ACSL5: variants seen among roughly 807,000 people sequenced by gnomAD.
The protein encoded by ACSL5 is acyl-CoA synthetase long chain family member 5.
In ACSL5, 50 loss-of-function variants were observed where a neutral mutation model predicts 84.9. The observed-to-expected ratio is 0.59, with a 90% CI of 0.47 to 0.75. The LOEUF (loss-of-function observed/expected upper bound fraction) is 0.75, where lower values mean the gene tolerates loss of function less well. Ranked by LOEUF, ACSL5 falls within the 30% of genes least tolerant of loss-of-function variation. The pLI, the probability that ACSL5 is intolerant of heterozygous loss-of-function variation, is 0.00. For missense variants in ACSL5, 775 were observed against 830.4 expected (o/e 0.93, Z 0.82); for synonymous variants, 280 against 300.7 (o/e 0.93, Z 0.71).
At chr10:112,414,419 G>A (rs891194602) in intron 12 of ACSL5, among the ~76,000 whole-genome samples, 10 of 138,902 alleles carry the variant, frequency 7.2e-5, no homozygotes, top group Non-Finnish European at 1.4e-4. Flanking sequence ...GCAATGGCAC[G>A]ATCTCAGCTC....
At chr10:112,413,404 C>T in intron 12 of ACSL5, 97 bp downstream of exon 12, 1 of 1,390,024 alleles carries the variant, frequency 7.2e-7, no homozygotes, top group Non-Finnish European at 1.0e-6. Flanking sequence ...CCTCCACCCT[C>T]TACAAGTATC....
intron 13 of ACSL5, among the ~76,000 whole-genome samples, chr10:112,417,502 CAAA>C (rs200150019): frequency 3.4e-5 from 4 of 118,298 alleles, no homozygotes; most frequent in African/African-American, 6.1e-5. Context: ...GACTCTATCT[CAAA>C]AAAAAAAAAA....
intron 1 of ACSL5, chr10:112,375,580 A>C (rs1199533545): frequency 6.6e-6 from 1 of 152,188 alleles, no homozygotes; most frequent in East Asian, 1.9e-4. Context: ...AAAATTTGTC[A>C]TTTCGGCTTC....
intron 14 of ACSL5, chr10:112,419,686 T>C (rs1354434654): frequency 6.6e-6 from 1 of 152,240 alleles, no homozygotes; most frequent in Non-Finnish European, 1.5e-5. Flanking sequence ...TATTAACTTT[T>C]GTCATGTTGG....
chr10:112,399,443 C>A (rs1843824027), intron 3 of ACSL5, among the ~76,000 whole-genome samples: 2 of 152,180 alleles, frequency 1.3e-5, no homozygotes, highest in Non-Finnish European at 2.9e-5. Context: ...CCAGGACTAG[C>A]AGTCCAGGAT....
chr10:112,422,596 T>A (rs1017741627), intron 17 of ACSL5, among the ~76,000 whole-genome samples, 155 bp downstream of exon 17: 1 of 152,144 alleles, frequency 6.6e-6, no homozygotes, highest in Non-Finnish European at 1.5e-5. Context: ...GACTTCCTCA[T>A]ACTATCCAGA....
chr10:112,411,680 T>C, intron 10 of ACSL5, 151 bp downstream of exon 10: 2 of 883,254 alleles, frequency 2.3e-6, no homozygotes, highest in Non-Finnish European at 3.5e-6. Flanking sequence ...AACACCAGCG[T>C]GTTCTTTGTT....
Position 112,425,356 on chromosome 10 carries a change from A to G in ACSL5, c.1612A>G (p.Ile538Val), listed in dbSNP as rs1467235799. 8.7e-6 allele frequency: 14 copies of G among 1,612,894 alleles called. No homozygotes were observed. Among genetic ancestry groups the G allele is most frequent in the Non-Finnish European group, 1.1e-5 (13 of 1,179,558 alleles). The change falls in exon 18 of 21, where the codon ATC becomes GTC. Residue 538 changes from isoleucine to valine, a missense_variant. Coordinates refer to ENST00000354655, the MANE Select transcript of ACSL5 (RefSeq NM_203379.2). ...RWLPNGTLKI[I>V]DRKKNIFKLA... The stretch of plus-strand genomic sequence containing the variant: ...CATGTAGAATGGAACTCTGAAGATC[A>G]TCGACCGTAAAAAGAACATTTTCAA...
At chr10:112,410,139 T>C (rs1235142618) in intron 7 of ACSL5, 1 of 1,257,164 alleles carries the variant, frequency 8.0e-7, no homozygotes, top group Non-Finnish European at 1.0e-6. Context: ...GATGGATATG[T>C]AATAAGCTCT....
In ACSL5 at chr10:112,427,329, G is replaced by T; in HGVS notation, c.2023G>T (p.Asp675Tyr). 1 of 1,613,592 alleles carries T rather than the reference G, an allele frequency of 6.2e-7. No homozygotes were observed. The highest frequency in any genetic ancestry group is 1.1e-5 in the South Asian group (1 of 90,942). Residue 675 changes from aspartate to tyrosine, a missense_variant, in exon 21 of 21, where the codon GAC (aspartate) becomes TAC (tyrosine). Asp to Tyr is a radical substitution (Grantham distance 160, BLOSUM62 -3). Transcript: ENST00000354655. ...TTCCAAATACTTTCGGACCCAAATT[G>T]ACAGCCTGTATGAGCACATCCAGGA... ...ELSKYFRTQI[D>Y]SLYEHIQD
At chr10:112,413,715 A>G (rs1163242731) in intron 12 of ACSL5, among the ~76,000 whole-genome samples, 1 of 152,070 alleles carries the variant, frequency 6.6e-6, no homozygotes, top group African/African-American at 2.4e-5. Context: ...ACAGAGCAAG[A>G]CTCCATCTCA....
At chr10:112,418,474 C>A (rs553602136) in intron 14 of ACSL5, among the ~76,000 whole-genome samples, 1 of 151,916 alleles carries the variant, frequency 6.6e-6, no homozygotes, top group Admixed American at 6.6e-5. Context: ...CCCAGCTACT[C>A]GGGAGGCTGA....
Position 112,397,660 on chromosome 10 carries a change from A to G in ACSL5, c.157-1241A>G, listed in dbSNP as rs78493578. Among the ~76,000 whole-genome samples the G allele has an allele frequency of 8.0e-3, 1,216 of 152,096 alleles. 116 individuals are homozygous for G. In the East Asian group the frequency reaches 0.21, roughly 26 times the overall value. ...TCTTCAAAGTCTGTATTGAAATACCATTTCTTCTCTGTAATCTTTCTGCTT... is the reference window on the plus strand; with the variant it reads ...TCTTCAAAGTCTGTATTGAAATACCGTTTCTTCTCTGTAATCTTTCTGCTT... On this transcript the variant is annotated intron_variant, in intron 2 of 20. Transcript: ENST00000354655.
At chr10:112,426,638 T>A in intron 19 of ACSL5, 150 bp from the exon 20 acceptor site, 1 of 690,716 alleles carries the variant, frequency 1.4e-6, no homozygotes, top group South Asian at 1.9e-5. Context: ...CAGTTTTTCT[T>A]TCAATATTGG....
intron 1 of ACSL5, among the ~76,000 whole-genome samples, chr10:112,379,592 T>G (rs1338549631): frequency 6.6e-6 from 1 of 152,076 alleles, no homozygotes; most frequent in Non-Finnish European, 1.5e-5. Context: ...TAGATTTGAT[T>G]GAGGACTTCC....
intron 1 of ACSL5, among the ~76,000 whole-genome samples, chr10:112,379,044 G>A (rs529515508): frequency 1.3e-5 from 2 of 152,274 alleles, no homozygotes; most frequent in South Asian, 4.1e-4. Context: ...TTTGAGGTCT[G>A]GGGTAAAGCT....
intron 1 of ACSL5, among the ~76,000 whole-genome samples, chr10:112,377,158 C>T (rs890591898): frequency 6.6e-6 from 1 of 151,776 alleles, no homozygotes; most frequent in Non-Finnish European, 1.5e-5. Flanking sequence ...AGATATCAGC[C>T]TTTTTTTGGT....
intron 17 of ACSL5, among the ~76,000 whole-genome samples, chr10:112,423,187 CAAAAAAAAAAAAAAAAA>C (rs1163487735): frequency 6.0e-5 from 1 of 16,572 alleles, no homozygotes; most frequent in Non-Finnish European, 9.1e-5. Flanking sequence ...GTCTCTGTCT[CAAAAAAAAAAAAAAAAA>C]AAAAAAAAAA....
intron 3 of ACSL5, among the ~76,000 whole-genome samples, chr10:112,401,196 A>G (rs1251594478): frequency 6.6e-6 from 1 of 152,154 alleles, no homozygotes; most frequent in Non-Finnish European, 1.5e-5. Context: ...AGCCTGGGTA[A>G]CAGAGGGACA....
Sources: gnomAD v4.1 joint callset for allele counts (sites outside exome capture counted in the v4.1 genomes callset) on GRCh38, gnomAD v4.1.1 for gene constraint, MANE v1.5 for transcripts, NCBI Gene and HGNC (gene_info 2026-07-23, HGNC 2026-07-21) for gene names.